DLG2: variants seen among roughly 807,000 people sequenced by gnomAD.
The protein encoded by DLG2 is disks large homolog 2.
A neutral mutation model predicts 132.5 loss-of-function variants in DLG2; 45 were observed. The ratio of observed to expected loss-of-function variants is 0.34; its 90% CI spans 0.27 to 0.44. DLG2 has a LOEUF of 0.44. Ranked by LOEUF, DLG2 falls within the 20% of genes least tolerant of loss-of-function variation. The pLI is 1.00. For missense variants in DLG2, 1,045 were observed against 1,196.9 expected (o/e 0.87, Z 1.87); for synonymous variants, 424 against 419.6 (o/e 1.01, Z -0.13).
At chr11:85,419,093 A>G (rs1031701615) in intron 3 of DLG2, among the ~76,000 whole-genome samples, 2 of 152,214 alleles carry the variant, frequency 1.3e-5, no homozygotes, top group African/African-American at 4.8e-5. Context: ...TGCTTCCTTC[A>G]GGAACTCTTT....
At chr11:84,686,697 C>T (rs1358609043) in intron 6 of DLG2, 1 of 146,992 alleles carries the variant, frequency 6.8e-6, no homozygotes, top group African/African-American at 2.5e-5. Context: ...AACATTCATC[C>T]ATAAGAATTC....
intron 6 of DLG2, among the ~76,000 whole-genome samples, chr11:84,786,731 C>A (rs1020032260): frequency 1.3e-5 from 2 of 152,180 alleles, no homozygotes; most frequent in African/African-American, 4.8e-5. Context: ...ATTTCCATTG[C>A]AGCAGCAATA....
At chr11:84,275,204 A>C (rs1488965241) in intron 7 of DLG2, among the ~76,000 whole-genome samples, 2 of 152,172 alleles carry the variant, frequency 1.3e-5, no homozygotes, top group East Asian at 3.9e-4. Context: ...ATGTCCTAAA[A>C]ATCCTCTTCT....
At chr11:85,559,799 T>C (rs2077129891) in intron 3 of DLG2, among the ~76,000 whole-genome samples, 2 of 143,316 alleles carry the variant, frequency 1.4e-5, no homozygotes, top group South Asian at 4.4e-4. Flanking sequence ...CACAGATAGA[T>C]GGTGATTAGT....
chr11:84,736,559 A>T (rs1026465408), intron 6 of DLG2, among the ~76,000 whole-genome samples: 1 of 151,798 alleles, frequency 6.6e-6, no homozygotes, highest in African/African-American at 2.4e-5. Flanking sequence ...ATTTTACTTA[A>T]TTTTACTCAG....
chr11:85,486,140 C>T lies in DLG2; in HGVS notation c.40+112517G>A, dbSNP rs531960030. Among the ~76,000 whole-genome samples the T allele has an allele frequency of 8.6e-5, 13 of 150,620 alleles. No homozygotes were observed. The East Asian group carries it at 2.4e-3, about 28-fold the overall frequency. ...TTAGTCACTGGAGGTCTGCACCCTA[C>T]CCTTGAGCTGGGCTAGGGTTGTTGC... On this transcript the variant is annotated intron_variant, in intron 3 of 27. Transcript: ENST00000376104.
At chr11:85,275,001 T>A (rs1421447545) in intron 4 of DLG2, among the ~76,000 whole-genome samples, 1 of 152,216 alleles carries the variant, frequency 6.6e-6, no homozygotes, top group Non-Finnish European at 1.5e-5. Context: ...TAGTTTTCCC[T>A]GTATCTTCGG....
chr11:85,301,406 T>A (rs2079576753), intron 3 of DLG2, among the ~76,000 whole-genome samples: 1 of 152,148 alleles, frequency 6.6e-6, no homozygotes, highest in African/African-American at 2.4e-5. Flanking sequence ...AATGAGAGAA[T>A]CAATGAATGG....
intron 3 of DLG2, among the ~76,000 whole-genome samples, chr11:85,289,322 C>A (rs1462899511): frequency 6.6e-5 from 10 of 152,230 alleles, no homozygotes; most frequent in African/African-American, 2.4e-4. Flanking sequence ...AGTTCAGGCC[C>A]TCGCCATCTG....
At chr11:83,635,232 C>G (rs1394367323) in intron 18 of DLG2, among the ~76,000 whole-genome samples, 2 of 151,998 alleles carry the variant, frequency 1.3e-5, no homozygotes, top group Non-Finnish European at 2.9e-5. Flanking sequence ...CAAAGTGAGA[C>G]CCTGTCTTTA....
At chr11:83,965,909 C>G (rs550536131) in intron 12 of DLG2, among the ~76,000 whole-genome samples, 1 of 151,990 alleles carries the variant, frequency 6.6e-6, no homozygotes, top group South Asian at 2.1e-4. Context: ...GCTTTTTAAA[C>G]CTAGAGTGAC....
intron 3 of DLG2, among the ~76,000 whole-genome samples, chr11:85,588,483 T>G (rs900664148): frequency 1.3e-5 from 2 of 152,182 alleles, no homozygotes; most frequent in African/African-American, 2.4e-5. Flanking sequence ...AACTTTCTGG[T>G]GCATTTTGTA....
Position 84,662,376 on chromosome 11 carries a change from T to C in DLG2, c.358-127645A>G, listed in dbSNP as rs577457581. Among the ~76,000 whole-genome samples, 15 of 152,002 alleles carry C rather than the reference T, an allele frequency of 9.9e-5. No individual in the cohort carries two copies. The East Asian group carries it at 3.0e-3, about 30-fold the overall frequency. ...TTTTTACTAGAGATGGATTTCTCCA[T>C]GTTGGTCAGGCTGGTCTCGAACTCC... On this transcript the variant is annotated intron_variant, in intron 6 of 27. Transcript: ENST00000376104.
intron 19 of DLG2, among the ~76,000 whole-genome samples, chr11:83,628,217 A>C (rs1007588082): frequency 6.6e-5 from 10 of 152,150 alleles, no homozygotes; most frequent in African/African-American, 2.2e-4. Context: ...TCTTTAGTTT[A>C]ATTAGATCCC....
At chr11:84,862,996 G>A (rs11234221) in intron 6 of DLG2, among the ~76,000 whole-genome samples, 49,727 of 151,558 alleles carry the variant, frequency 0.33, 8,262 homozygotes, top group Middle Eastern at 0.39. Context: ...TATTAGTTCC[G>A]TCCTGCTTCT....
chr11:84,796,853 T>G (rs971290367), intron 6 of DLG2, among the ~76,000 whole-genome samples: 7 of 151,466 alleles, frequency 4.6e-5, no homozygotes, highest in Admixed American at 1.3e-4. Context: ...ATTTATTTAT[T>G]TATTTATTTA....
At chr11:84,266,446 T>C (rs1231268699) in intron 7 of DLG2, among the ~76,000 whole-genome samples, 1 of 152,212 alleles carries the variant, frequency 6.6e-6, no homozygotes, top group Admixed American at 6.5e-5. Flanking sequence ...TTTATTCCTA[T>C]ACTAATAGAA....
intron 6 of DLG2, among the ~76,000 whole-genome samples, chr11:84,757,372 T>G (rs2067021548): frequency 6.6e-6 from 1 of 152,198 alleles, no homozygotes; most frequent in Admixed American, 6.5e-5. Flanking sequence ...TCATTTTTAT[T>G]GCATTTTACA....
chr11:83,970,949 T>G (rs1216206319), intron 12 of DLG2, among the ~76,000 whole-genome samples: 3 of 152,164 alleles, frequency 2.0e-5, no homozygotes, highest in East Asian at 1.9e-4. Flanking sequence ...TGTGCTGAAG[T>G]CTTCAAAATG....
Sources: allele counts gnomAD v4.1 joint callset (sites outside exome capture counted in the v4.1 genomes callset), GRCh38; gene constraint gnomAD v4.1.1; transcripts MANE v1.5; gene names NCBI Gene and HGNC (gene_info 2026-07-23, HGNC 2026-07-21).